Variants in SLC27A6 observed in about 807,000 individuals in gnomAD.
SLC27A6 encodes the protein solute carrier family 27 member 6.
A neutral mutation model predicts 63.9 loss-of-function variants in SLC27A6; 74 were observed. The ratio of observed to expected loss-of-function variants is 1.16; its 90% CI spans 0.96 to 1.40. The LOEUF is 1.40. Ranked by LOEUF, SLC27A6 falls within the 40% of genes most tolerant of loss-of-function variation. SLC27A6 has a pLI of 0.00. For synonymous variants in SLC27A6, 287 were observed against 260.8 expected (o/e 1.10, Z -0.97); for missense variants, 794 against 732.9 (o/e 1.08, Z -0.96).
intron 9 of SLC27A6, 136 bp downstream of exon 9, chr5:129,029,843 C>T (rs1032186056): frequency 1.7e-5 from 12 of 709,020 alleles, no homozygotes; most frequent in African/African-American, 9.4e-5. Flanking sequence ...TGATGCAGAT[C>T]GATGCCATGT....
chr5:128,972,747 G>A (rs755085935), intron 1 of SLC27A6, among the ~76,000 whole-genome samples: 2 of 152,000 alleles, frequency 1.3e-5, no homozygotes, highest in Non-Finnish European at 2.9e-5. Context: ...TGTTATTACC[G>A]GTCTTCTGAA....
intron 4 of SLC27A6, among the ~76,000 whole-genome samples, chr5:129,009,944 T>C (rs1469758408): frequency 2.6e-5 from 4 of 152,218 alleles, no homozygotes; most frequent in Admixed American, 2.6e-4. Flanking sequence ...CCCAAAGTAC[T>C]GGGATTACAG....
intron 6 of SLC27A6, 94 bp from the exon 7 acceptor site, chr5:129,027,039 G>T (rs1580749835): frequency 9.9e-7 from 1 of 1,011,192 alleles, no homozygotes; most frequent in Non-Finnish European, 1.5e-6. Flanking sequence ...AAGCAGCATT[G>T]GTTGTGCTGG....
intron 4 of SLC27A6, among the ~76,000 whole-genome samples, chr5:129,009,052 A>C (rs770673406): frequency 5.3e-4 from 80 of 152,042 alleles, no homozygotes; most frequent in Non-Finnish European, 5.6e-4. Flanking sequence ...TTTTTAGTGG[A>C]GGCAGGGTTT....
At chr5:129,009,674 TG>T in intron 4 of SLC27A6, among the ~76,000 whole-genome samples, 1 of 13,436 alleles carries the variant, frequency 7.4e-5, no homozygotes, top group African/African-American at 1.7e-4. Flanking sequence ...CATTTCTTTG[TG>T]TGTGTGTGTG....
chr5:128,987,983 A>T (rs907262145), intron 2 of SLC27A6, among the ~76,000 whole-genome samples: 2 of 152,182 alleles, frequency 1.3e-5, no homozygotes, highest in Admixed American at 1.3e-4. Flanking sequence ...TCCCAGTAAA[A>T]GTCATCATGA....
At chr5:128,998,055 G>A (rs1751215811) in intron 4 of SLC27A6, among the ~76,000 whole-genome samples, 1 of 149,354 alleles carries the variant, frequency 6.7e-6, no homozygotes, top group Non-Finnish European at 1.5e-5. Flanking sequence ...CAAGGCACGA[G>A]GATTGCTTGA....
intron 1 of SLC27A6, among the ~76,000 whole-genome samples, chr5:128,972,659 C>T (rs1420168163): frequency 6.6e-6 from 1 of 152,142 alleles, no homozygotes; most frequent in Non-Finnish European, 1.5e-5. Flanking sequence ...TTCTAATTAG[C>T]CATTCATCTA....
chr5:128,981,296 A>G (rs748721778), intron 1 of SLC27A6, among the ~76,000 whole-genome samples: 128 of 152,034 alleles, frequency 8.4e-4, no homozygotes, highest in Non-Finnish European at 2.9e-4. Context: ...CCTGGCCAAC[A>G]TGGTAAAAAC....
Position 129,018,428 on chromosome 5 carries a change from G to A in SLC27A6, c.1164+2349G>A, listed in dbSNP as rs117328204. Reference sequence around the variant, plus strand: ...GTCTAGTTGCCCATTCAAAGCTGGTGTAAATCACAGTAATGCTCTAAACCA... The same window carrying A: ...GTCTAGTTGCCCATTCAAAGCTGGTATAAATCACAGTAATGCTCTAAACCA... On this transcript the variant is annotated intron_variant, in intron 5 of 9. Transcript: ENST00000262462. 2.7e-3 allele frequency among the ~76,000 whole-genome samples: 405 copies of A among 152,152 alleles called. 8 individuals are homozygous for A. The highest frequency in any genetic ancestry group is 0.026 in the East Asian group (137 of 5,174).
chr5:128,969,839 G>C (rs1433529556), intron 1 of SLC27A6, among the ~76,000 whole-genome samples: 2 of 152,220 alleles, frequency 1.3e-5, no homozygotes, highest in Non-Finnish European at 1.5e-5. Flanking sequence ...CCTGTCTTGT[G>C]CCAGTTTTCA....
At chr5:129,029,533 T>C (rs1375322059) in intron 8 of SLC27A6, 44 bp from the exon 9 acceptor site, 3 of 1,365,186 alleles carry the variant, frequency 2.2e-6, no homozygotes, top group Admixed American at 2.3e-5. Context: ...CTTTTAAAGT[T>C]TATTTGGTAC....
At chr5:128,992,423 CTT>C (rs1399583808) in intron 4 of SLC27A6, among the ~76,000 whole-genome samples, 1 of 152,146 alleles carries the variant, frequency 6.6e-6, no homozygotes, top group African/African-American at 2.4e-5. Context: ...TTAAATAAGA[CTT>C]TTTCATTTTG....
intron 4 of SLC27A6, among the ~76,000 whole-genome samples, chr5:129,008,315 GA>G (rs1397576474): frequency 2.0e-5 from 3 of 152,130 alleles, no homozygotes; most frequent in African/African-American, 7.2e-5. Context: ...TCCTAGTTTA[GA>G]AAATGTGATT....
intron 4 of SLC27A6, among the ~76,000 whole-genome samples, chr5:129,005,608 A>T (rs866680091): frequency 1.2e-3 from 114 of 98,810 alleles, no homozygotes; most frequent in Admixed American, 2.5e-3. Flanking sequence ...GTCTGGTTGT[A>T]TTTTTTTTTT....
At chr5:129,007,442 TAAAAA>T (rs569920098) in intron 4 of SLC27A6, among the ~76,000 whole-genome samples, 6 of 104,284 alleles carry the variant, frequency 5.8e-5, no homozygotes, top group East Asian at 2.7e-4. Context: ...GACTCAGTCT[TAAAAA>T]AAAAAAAAAA....
chr5:129,012,607 T>A (rs778167607), intron 4 of SLC27A6, among the ~76,000 whole-genome samples: 11 of 152,140 alleles, frequency 7.2e-5, no homozygotes, highest in Non-Finnish European at 1.0e-4. Context: ...TTGCTTTATA[T>A]ATTTGACTAT....
At chr5:128,989,404 A>G (rs1450157306) in intron 3 of SLC27A6, among the ~76,000 whole-genome samples, 1 of 152,210 alleles carries the variant, frequency 6.6e-6, no homozygotes, top group Non-Finnish European at 1.5e-5. Context: ...ATAATATACA[A>G]ACAGTGGAGA....
intron 8 of SLC27A6, among the ~76,000 whole-genome samples, chr5:129,028,789 C>T (rs1413219406): frequency 6.6e-6 from 1 of 151,600 alleles, no homozygotes; most frequent in Non-Finnish European, 1.5e-5. Context: ...TAAACAAGAA[C>T]ATGTTCTATT....
Sources: gnomAD v4.1 joint callset for allele counts (sites outside exome capture counted in the v4.1 genomes callset) on GRCh38, gnomAD v4.1.1 for gene constraint, MANE v1.5 for transcripts, NCBI Gene and HGNC (gene_info 2026-07-23, HGNC 2026-07-21) for gene names.